The following NPAT variants were observed in gnomAD, a reference collection of about 807,000 sequenced individuals.
NPAT encodes the protein protein NPAT.
Under a neutral mutation model 130.7 loss-of-function variants are expected in NPAT, and 52 were observed. That is an observed-to-expected ratio of 0.40 (90% CI 0.32 to 0.50). The LOEUF (loss-of-function observed/expected upper bound fraction) is 0.50, where lower values mean the gene tolerates loss of function less well. NPAT is among the 20% of genes least tolerant of loss of function. The probability of loss-of-function intolerance (pLI) is 0.68; values close to 1 mark genes in which losing one functional copy is unlikely to be tolerated. For missense variants in NPAT, 1,687 were observed against 1,662.6 expected, an observed-to-expected ratio of 1.01 and a Z score of -0.26; for synonymous variants, 580 against 584.8, an observed-to-expected ratio of 0.99 and a Z score of 0.12.
chr11:108,170,038 C>T lies in NPAT; in HGVS notation c.2791G>A (p.Ala931Thr). ...AVSPNFSQGS[A>T]IIIASPVQPV... ...TGGACTGGAGAGGCAATTATTATGG[C>T]AGATCCTAAAAAAACAATTCTTGTT... The change falls in exon 14 of 18, where the codon GCC becomes ACC. Residue 931 changes from alanine to threonine, a missense_variant. By Grantham distance (58) the Ala-to-Thr change is moderately conservative (BLOSUM62 0). Around this residue, in one of 3 missense-constraint regions of NPAT, gnomAD observed 1,379 missense variants for 1,346.6 expected, o/e 1.02. Transcript: ENST00000278612. 6.3e-7 allele frequency: 1 copy of T among 1,597,960 alleles called. No homozygotes were observed. Among genetic ancestry groups the T allele is most frequent in the South Asian group, 1.1e-5 (1 of 90,782 alleles).
chr11:108,185,517 G>A, intron 8 of NPAT, 23 bp from the exon 9 acceptor site: 1 of 1,426,012 alleles, frequency 7.0e-7, no homozygotes, highest in Middle Eastern at 2.3e-4. Context: ...GCCACTGTTA[G>A]CAAAAGGACA....
At chr11:108,217,007 A>C (rs1004101269) in intron 1 of NPAT, among the ~76,000 whole-genome samples, 10 of 152,158 alleles carry the variant, frequency 6.6e-5, no homozygotes, top group Admixed American at 5.2e-4. Context: ...TATACTGCTG[A>C]TGAGAGAAAA....
intron 11 of NPAT, 90 bp from the exon 12 acceptor site, chr11:108,176,464 T>TAA: frequency 1.0e-6 from 1 of 974,158 alleles, no homozygotes. Flanking sequence ...ACGCAAATGT[T>TAA]AAACTTCGAT....
intron 1 of NPAT, among the ~76,000 whole-genome samples, chr11:108,213,578 C>A (rs1351866449): frequency 2.6e-5 from 4 of 152,154 alleles, no homozygotes; most frequent in Non-Finnish European, 5.9e-5. Context: ...ACTCAATACT[C>A]CCAAAATTCA....
At chr11:108,201,840 T>C (rs1050204702) in intron 1 of NPAT, among the ~76,000 whole-genome samples, 3 of 152,198 alleles carry the variant, frequency 2.0e-5, no homozygotes, top group African/African-American at 7.2e-5. Flanking sequence ...CAGAGAAAGC[T>C]GGGGAGCTTG....
At chr11:108,162,262 C>A in intron 15 of NPAT, 82 bp from the exon 16 acceptor site, 1 of 1,305,928 alleles carries the variant, frequency 7.7e-7, no homozygotes, top group South Asian at 1.3e-5. Context: ...TATCACATAT[C>A]ATGAGAAAAA....
At chr11:108,159,865 A>T (rs1221672654) in intron 17 of NPAT, among the ~76,000 whole-genome samples, 3 of 151,758 alleles carry the variant, frequency 2.0e-5, no homozygotes, top group Non-Finnish European at 4.4e-5. Context: ...AAAAACCAGA[A>T]AAAATGACCA....
chr11:108,193,063 TTTG>T (rs1411286781), intron 3 of NPAT, among the ~76,000 whole-genome samples: 7 of 152,236 alleles, frequency 4.6e-5, no homozygotes, highest in Admixed American at 4.6e-4. Context: ...CTTCTTTTCC[TTTG>T]TTATCATCTT....
In NPAT at chr11:108,172,963, A is replaced by G. The variant is rs767989538; in HGVS notation, c.2021T>C (p.Leu674Pro). The change falls in exon 13 of 18, where the codon CTC becomes CCC. Residue 674 changes from leucine to proline, a missense_variant. By Grantham distance (98) the Leu-to-Pro change is moderately conservative. Coordinates refer to ENST00000278612, the MANE Select transcript of NPAT (RefSeq NM_002519.3). The stretch of plus-strand genomic sequence containing the variant: ...ACAGTTAGCATTTCCACCTAAAGAG[A>G]GAAAAATAGTATTCTCTTCTTTTAC... Reference protein sequence around the residue: ...SSVKEENTIFLSLGGNANCEK... With the variant: ...SSVKEENTIFPSLGGNANCEK... 4.3e-6 allele frequency: 7 copies of G among 1,613,990 alleles called. No individual in the cohort carries two copies. The highest frequency in any genetic ancestry group is 2.2e-5 in the South Asian group (2 of 91,084).
At chr11:108,208,443 C>G in intron 1 of NPAT, 1 of 455,948 alleles carries the variant, frequency 2.2e-6, no homozygotes. Context: ...TAGAAATTAG[C>G]TGGGCTTGGT....
At chr11:108,159,041 AAAT>A in intron 17 of NPAT, 22 bp from the exon 18 acceptor site, 1 of 1,537,674 alleles carries the variant, frequency 6.5e-7, no homozygotes, top group East Asian at 2.3e-5. Context: ...GAGAAAGAAA[AAAT>A]AAACTCAAAA....
rs191183325 is a variant in NPAT at position 108,212,169 on chromosome 11, G to A, written c.37+10331C>T. Among the ~76,000 whole-genome samples the A allele has an allele frequency of 1.4e-4, 21 of 151,686 alleles. No individual in the cohort carries two copies. The East Asian group carries it at 2.5e-3, about 18-fold the overall frequency. On this transcript the variant is annotated intron_variant, in intron 1 of 17. Transcript: ENST00000278612. ...GGAAAAGGTAAGAAGGTCTGTTCTT[G>A]TCATTTCTATTCAACATTGCATGTA... is the stretch of plus-strand genomic sequence containing the variant.
At chr11:108,199,638 A>T (rs145350582) in intron 1 of NPAT, among the ~76,000 whole-genome samples, 100 of 152,290 alleles carry the variant, frequency 6.6e-4, no homozygotes, top group African/African-American at 2.3e-3. Context: ...TGCAAAGGAC[A>T]GGCTTGCTGG....
chr11:108,174,810 G>C (rs1035926001), intron 12 of NPAT, among the ~76,000 whole-genome samples: 4 of 152,006 alleles, frequency 2.6e-5, no homozygotes, highest in Non-Finnish European at 4.4e-5. Flanking sequence ...GTAGAGGCGC[G>C]GTTTCACCGT....
At chr11:108,192,639 C>T (rs2078181231) in intron 3 of NPAT, among the ~76,000 whole-genome samples, 2 of 152,156 alleles carry the variant, frequency 1.3e-5, no homozygotes, top group South Asian at 4.1e-4. Context: ...TTTAAACAAT[C>T]TCTCTCACTG....
At chr11:108,204,434 A>T (rs1607476) in intron 1 of NPAT, among the ~76,000 whole-genome samples, 3 of 151,924 alleles carry the variant, frequency 2.0e-5, no homozygotes, top group Non-Finnish European at 4.4e-5. Flanking sequence ...CACTTTGGGT[A>T]CCCTCTCATG....
intron 1 of NPAT, among the ~76,000 whole-genome samples, chr11:108,204,535 C>A (rs2078307127): frequency 7.4e-6 from 1 of 134,802 alleles, no homozygotes; most frequent in East Asian, 2.1e-4. Context: ...AGATGCGGGA[C>A]AAAACCCTGG....
At chr11:108,213,267 C>T (rs559968661) in intron 1 of NPAT, among the ~76,000 whole-genome samples, 2 of 152,290 alleles carry the variant, frequency 1.3e-5, no homozygotes, top group South Asian at 4.1e-4. Flanking sequence ...GAGCGAAACT[C>T]TGTCCCAAAA....
chr11:108,196,725 C>T (rs139686742), intron 2 of NPAT, among the ~76,000 whole-genome samples: 21 of 152,222 alleles, frequency 1.4e-4, no homozygotes, highest in Non-Finnish European at 2.1e-4. Context: ...TGCAGGCATA[C>T]GGAATATAAT....
Sources: allele counts gnomAD v4.1 joint callset (sites outside exome capture counted in the v4.1 genomes callset), GRCh38; gene constraint gnomAD v4.1.1; regional missense constraint gnomAD v4.1.1; transcripts MANE v1.5; gene names NCBI Gene and HGNC (gene_info 2026-07-23, HGNC 2026-07-21).